Variants in MSMB observed in about 807,000 individuals in gnomAD.
The protein encoded by MSMB is microseminoprotein beta.
In MSMB, 10 loss-of-function variants were observed where a neutral mutation model predicts 10.5. The ratio of observed to expected loss-of-function variants is 0.95; its 90% CI spans 0.59 to 1.62. MSMB has a LOEUF of 1.62. MSMB is among the 40% of genes most tolerant of loss of function. The pLI is 0.00. For missense variants in MSMB, 126 were observed against 137.4 expected, an observed-to-expected ratio of 0.92 and a Z score of 0.42; for synonymous variants, 43 against 46.5, an observed-to-expected ratio of 0.93 and a Z score of 0.30.
intron 3 of MSMB, among the ~76,000 whole-genome samples, chr10:46,035,560 AAC>A (rs1464294401): frequency 6.6e-6 from 1 of 152,236 alleles, no homozygotes; most frequent in Non-Finnish European, 1.5e-5. Flanking sequence ...CGAAAAGACA[AAC>A]ACAGTGTGAT....
intron 2 of MSMB, 127 bp from the exon 3 acceptor site, chr10:46,039,198 G>A: frequency 1.3e-6 from 1 of 782,940 alleles, no homozygotes. Flanking sequence ...TATTTTAAAG[G>A]TATCTAAGAA....
intron 1 of MSMB, among the ~76,000 whole-genome samples, chr10:46,045,426 G>A (rs1407051558): frequency 6.6e-6 from 1 of 152,052 alleles, no homozygotes; most frequent in African/African-American, 2.4e-5. Context: ...CAGCTACTTG[G>A]GAAGCTGAGA....
At chr10:46,034,733 G>T (rs1392727319) in intron 3 of MSMB, among the ~76,000 whole-genome samples, 1 of 151,694 alleles carries the variant, frequency 6.6e-6, no homozygotes, top group Non-Finnish European at 1.5e-5. Flanking sequence ...GCTGAGACAG[G>T]AGAATGGCGT....
chr10:46,046,101 G>C (rs1232467106), intron 1 of MSMB, 134 bp downstream of exon 1: 2 of 912,458 alleles, frequency 2.2e-6, no homozygotes, highest in African/African-American at 3.3e-5. Context: ...TTGAATTGCA[G>C]GTAATAACAT....
At chr10:46,034,330 A>G (rs1840545369) in intron 3 of MSMB, among the ~76,000 whole-genome samples, 1 of 151,392 alleles carries the variant, frequency 6.6e-6, no homozygotes, top group Non-Finnish European at 1.5e-5. Flanking sequence ...AGGTCTCACC[A>G]TGTTGGCCAG....
intron 2 of MSMB, 43 bp from the exon 3 acceptor site, chr10:46,039,114 G>A: frequency 6.4e-7 from 1 of 1,551,858 alleles, no homozygotes; most frequent in Non-Finnish European, 8.9e-7. Flanking sequence ...GTCATGCAAT[G>A]AGAACAAGGC....
chr10:46,043,841 A>AT (rs1840810756), intron 1 of MSMB, among the ~76,000 whole-genome samples: 1 of 151,914 alleles, frequency 6.6e-6, no homozygotes, highest in East Asian at 1.9e-4. Context: ...CACCTGGCTA[A>AT]TTTTTGTATT....
chr10:46,045,708 G>A (rs751879541), intron 1 of MSMB, among the ~76,000 whole-genome samples: 33 of 152,008 alleles, frequency 2.2e-4, no homozygotes, highest in Admixed American at 5.9e-4. Context: ...TCAGAGTGTC[G>A]GGGTGGAAGA....
intron 3 of MSMB, 83 bp downstream of exon 3, chr10:46,038,883 G>T: frequency 1.7e-6 from 2 of 1,196,348 alleles, no homozygotes; most frequent in Non-Finnish European, 2.4e-6. Flanking sequence ...AACCCCTGAA[G>T]ATTGGAATTT....
At chr10:46,044,729 A>C (rs1840852276) in intron 1 of MSMB, among the ~76,000 whole-genome samples, 1 of 151,880 alleles carries the variant, frequency 6.6e-6, no homozygotes, top group African/African-American at 2.4e-5. Flanking sequence ...AGGTGGGAGG[A>C]TCACTTGGGC....
chr10:46,037,874 T>G (rs1011124234), intron 3 of MSMB, among the ~76,000 whole-genome samples: 2 of 152,222 alleles, frequency 1.3e-5, no homozygotes, highest in Admixed American at 1.3e-4. Flanking sequence ...ACCCAAGTGT[T>G]CATCAACAGA....
At chr10:46,035,605 T>C (rs1250641676) in intron 3 of MSMB, among the ~76,000 whole-genome samples, 1 of 152,120 alleles carries the variant, frequency 6.6e-6, no homozygotes, top group African/African-American at 2.4e-5. Context: ...AGTAGGCAAA[T>C]TCATAGAGAC....
Position 46,039,022 on chromosome 10 carries a change from C to T in MSMB, c.159G>A (p.Gln53=). The T allele has an allele frequency of 6.2e-7, 1 of 1,614,140 alleles. No homozygotes were observed. The highest frequency in any genetic ancestry group is 8.5e-7 in the Non-Finnish European group (1 of 1,180,012). The change falls in exon 3 of 4, where the codon CAG becomes CAA. Residue 53 remains glutamine, a synonymous_variant. Coordinates refer to ENST00000582163, the MANE Select transcript of MSMB (RefSeq NM_002443.4). ...AAGTGCATGTCTCACAGTTGTCAGT[C>T]TGCCACTCCGAGTTTATTGGGTGTT... is the stretch of plus-strand genomic sequence containing the variant. The part of the protein sequence containing the change: ...GNKHPINSEW[Q]TDNCETCTCY...
At chr10:46,045,711 G>T (rs1840881037) in intron 1 of MSMB, among the ~76,000 whole-genome samples, 1 of 152,144 alleles carries the variant, frequency 6.6e-6, no homozygotes, top group African/African-American at 2.4e-5. Flanking sequence ...GAGTGTCGGG[G>T]TGGAAGATGG....
At chr10:46,044,189 T>C (rs912061509) in intron 1 of MSMB, among the ~76,000 whole-genome samples, 12 of 152,116 alleles carry the variant, frequency 7.9e-5, no homozygotes, top group Non-Finnish European at 1.5e-4. Context: ...TCCTGATGTG[T>C]GCAGGAGATT....
intron 3 of MSMB, among the ~76,000 whole-genome samples, chr10:46,038,575 A>G (rs1259329379): frequency 6.6e-6 from 1 of 152,178 alleles, no homozygotes; most frequent in Non-Finnish European, 1.5e-5. Context: ...GGCGTGAGCC[A>G]TTGTGACTGG....
chr10:46,038,992 G>T lies in MSMB; in HGVS notation c.189C>A (p.Tyr63Ter). The T allele has an allele frequency of 1.2e-6, 2 of 1,613,936 alleles. No individual in the cohort carries two copies. The highest frequency in any genetic ancestry group is 1.7e-6 in the Non-Finnish European group (2 of 1,179,888). The change falls in exon 3 of 4, where the codon TAC becomes TAA. Residue 63 changes from tyrosine to a stop codon, truncating the protein, a stop_gained. Coordinates refer to ENST00000582163, the MANE Select transcript of MSMB (RefSeq NM_002443.4). LOFTEE classifies it low-confidence loss of function (END_TRUNC). ...QTDNCETCTC[Y>*]ETEISCCTLV... ...GGGTGCAACATGAAATTTCTGTTTC[G>T]TAGCAAGTGCATGTCTCACAGTTGT...
intron 3 of MSMB, 66 bp downstream of exon 3, chr10:46,038,900 A>G (rs1554927956): frequency 1.5e-6 from 2 of 1,378,042 alleles, no homozygotes; most frequent in Non-Finnish European, 2.1e-6. Flanking sequence ...ATTTTGCAAG[A>G]CGGAGTAGCT....
intron 1 of MSMB, among the ~76,000 whole-genome samples, chr10:46,044,649 A>G (rs12775087): frequency 0.12 from 17,315 of 145,042 alleles, 1,339 homozygotes; most frequent in South Asian, 0.29. Flanking sequence ...GGGTTATCCC[A>G]TGATCAAGAG....
Sources: allele counts gnomAD v4.1 joint callset (sites outside exome capture counted in the v4.1 genomes callset), GRCh38; gene constraint gnomAD v4.1.1; transcripts MANE v1.5; gene names NCBI Gene and HGNC (gene_info 2026-07-23, HGNC 2026-07-21).